The following ANKRD24 variants were observed in gnomAD, a reference collection of about 807,000 sequenced individuals.
ANKRD24 encodes ankyrin repeat domain 24, also known as ankyrin repeat domain-containing protein 24.
ANKRD24 carries 109 observed loss-of-function variants against 127.8 expected under a neutral mutation model. The observed-to-expected ratio is 0.85, with a 90% CI of 0.73 to 1.00. The LOEUF (loss-of-function observed/expected upper bound fraction) is 1.00, where lower values mean the gene tolerates loss of function less well. Among genes scored for constraint, ANKRD24 ranks in the 50% least tolerant of loss-of-function variants. ANKRD24 has a pLI of 0.00. For synonymous variants in ANKRD24, 743 were observed against 671.1 expected, an observed-to-expected ratio of 1.11 and a Z score of -1.66; for missense variants, 1,648 against 1,570.2, an observed-to-expected ratio of 1.05 and a Z score of -0.84.
intron 2 of ANKRD24, among the ~76,000 whole-genome samples, chr19:4,188,439 A>G (rs1333654869): frequency 7.3e-6 from 1 of 137,068 alleles, no homozygotes; most frequent in East Asian, 2.3e-4. Context: ...GCTGGAGTGC[A>G]GTGGTGCTAT....
intron 1 of ANKRD24, 148 bp from the exon 2 acceptor site, chr19:4,186,242 A>G (rs1000710552): frequency 1.3e-5 from 19 of 1,426,496 alleles, no homozygotes; most frequent in Admixed American, 2.8e-5. Context: ...CACAGCAGGT[A>G]GGAGATAGAG....
At chr19:4,207,118 T>C in intron 7 of ANKRD24, 124 bp from the exon 8 acceptor site, 1 of 624,730 alleles carries the variant, frequency 1.6e-6, no homozygotes, top group Non-Finnish European at 2.8e-6. Context: ...AGACAGGGTC[T>C]CACTGTGTTG....
At chr19:4,223,899 A>G (rs766648639) in intron 20 of ANKRD24, among the ~76,000 whole-genome samples, 7 of 151,860 alleles carry the variant, frequency 4.6e-5, no homozygotes, top group Non-Finnish European at 8.8e-5. Flanking sequence ...GGATTTTACC[A>G]TGTTGGTCCA....
chr19:4,224,801 T>C lies in ANKRD24; in HGVS notation c.*296T>C. 2 of 481,230 alleles carry C rather than the reference T, an allele frequency of 4.2e-6. No individual in the cohort carries two copies. The highest frequency in any genetic ancestry group is 7.6e-6 in the Non-Finnish European group (2 of 264,620). The allele number at this position is 481,230 out of a possible 1,614,324, so 29.8% of individuals were successfully genotyped here. ...AGACGCCAGCCCAGGAATAAAGGCA[T>C]TCTGTGCACAGGGCCAACGCGTGCC... On this transcript the variant is annotated 3_prime_UTR_variant, in exon 22 of 22. Transcript: ENST00000318934.
chr19:4,217,084 G>A lies in ANKRD24; in HGVS notation c.1924G>A (p.Ala642Thr), dbSNP rs1350189467. Reference protein sequence around the residue: ...TTGVEAMGVEATKTKAEEAEM... With the variant: ...TTGVEAMGVETTKTKAEEAEM... ...GGGAGTGGAGGCCATGGGGGTGGAG[G>A]CCACAAAAACAAAAGCAGAGGAAGC... The change falls in exon 18 of 22, where the codon GCC (alanine) becomes ACC (threonine). Residue 642 changes from alanine (A) to threonine (T), a missense_variant. By Grantham distance (58) the Ala-to-Thr change is moderately conservative (BLOSUM62 0). Transcript: ENST00000318934. The A allele has an allele frequency of 5.0e-6, 8 of 1,613,776 alleles. No homozygotes were observed. In the African/African-American group the frequency reaches 1.1e-4, roughly 22 times the overall value.
intron 1 of ANKRD24, 86 bp from the exon 2 acceptor site, chr19:4,186,304 G>A (rs1247911437): frequency 1.3e-6 from 2 of 1,523,646 alleles, no homozygotes; most frequent in African/African-American, 2.8e-5. Flanking sequence ...GGAGGAAGCG[G>A]TCCTTTTGAG....
Position 4,186,400 on chromosome 19 carries a change from G to A in ANKRD24, c.-26G>A. On this transcript the variant is annotated 5_prime_UTR_variant, in exon 2 of 22. An upstream open reading frame in the 5' UTR gains an earlier in-frame stop. Coordinates refer to ENST00000318934, the MANE Select transcript of ANKRD24 (RefSeq NM_001393985.1). ...CCTTGCCCTCCTCAGGTGGCCTGTG[G>A]AGAGGAGAAACACAGGGCACCAACT... is the stretch of plus-strand genomic sequence containing the variant. 15 of 1,579,686 alleles carry A rather than the reference G, an allele frequency of 9.5e-6. No homozygotes were observed. Among genetic ancestry groups the A allele is most frequent in the Non-Finnish European group, 1.2e-5 (14 of 1,162,826 alleles).
intron 2 of ANKRD24, among the ~76,000 whole-genome samples, chr19:4,188,170 C>T (rs905442568): frequency 4.0e-5 from 6 of 150,372 alleles, no homozygotes; most frequent in East Asian, 2.0e-4. Flanking sequence ...CTCCACCTCC[C>T]GGGTTCAAGT....
rs913099140 is a variant in ANKRD24, at chr19:4,217,566, C to T, written c.2406C>T (p.Asp802=). The change falls in exon 18 of 22, where the codon GAC becomes GAT. Residue 802 remains aspartate, a synonymous_variant. Coordinates refer to ENST00000318934, the MANE Select transcript of ANKRD24 (RefSeq NM_001393985.1). ...CCCGGGAGGACCTCCGAGACCGGGA[C>T]TCCCGCCTGCGGGAGCTGGAGGCGG... ...EQAREDLRDR[D]SRLRELEAAS... The T allele has an allele frequency of 2.3e-6, 3 of 1,311,092 alleles. No homozygotes were observed. Among genetic ancestry groups the T allele is most frequent in the African/African-American group, 3.1e-5 (2 of 63,798 alleles). 81.2% of individuals were successfully genotyped at this position (1,311,092 alleles called of 1,614,324 possible). A position where few individuals can be genotyped will look rare whatever the true frequency, so the allele number is the denominator to read the frequency against.
At position 4,200,013 on chromosome 19, in the gene ANKRD24, C is replaced by A. The variant is rs750989263; in HGVS notation, c.254+8C>A. The A allele has an allele frequency of 2.6e-6, 4 of 1,562,494 alleles. No homozygotes were observed. In the South Asian group the frequency reaches 3.5e-5, roughly 14 times the overall value. ...CCCCGAGGGCAAGTCCGCGTGAGTG[C>A]CCGCGACCCGGGAGTGAGATGGCTG... is the stretch of plus-strand genomic sequence containing the variant. On this transcript the variant is annotated splice_region_variant and intron_variant, in intron 4 of 21. Transcript: ENST00000318934.
At chr19:4,207,989 C>G in intron 10 of ANKRD24, 21 bp downstream of exon 10, 1 of 1,454,818 alleles carries the variant, frequency 6.9e-7, no homozygotes, top group East Asian at 2.5e-5. Flanking sequence ...CCCACCTCCC[C>G]AATGCATTTG....
At chr19:4,196,975 G>C (rs569160337) in intron 2 of ANKRD24, among the ~76,000 whole-genome samples, 1 of 152,150 alleles carries the variant, frequency 6.6e-6, no homozygotes. Flanking sequence ...GAGCTGCGCC[G>C]GGACCAGCTA....
Position 4,224,720 on chromosome 19 carries a change from C to T in ANKRD24, c.*215C>T, listed in dbSNP as rs556283844. The T allele has an allele frequency of 1.1e-3, 639 of 576,582 alleles. 1 individual carries two copies. Among genetic ancestry groups the T allele is most frequent in the Admixed American group, 1.7e-3 (55 of 33,272 alleles). 35.7% of individuals were successfully genotyped at this position (576,582 alleles called of 1,614,324 possible). A position where few individuals can be genotyped will look rare whatever the true frequency, so the allele number is the denominator to read the frequency against. ...CACACTGGTCAGTCTGGACCCGGGC[C>T]GTGACTGCCCCTCCCCCACCACCGG... On this transcript the variant is annotated 3_prime_UTR_variant, in exon 22 of 22. Transcript: ENST00000318934.
At chr19:4,207,698 T>C (rs1969471962) in intron 9 of ANKRD24, 83 bp from the exon 10 acceptor site, 1 of 1,590,518 alleles carries the variant, frequency 6.3e-7, no homozygotes, top group South Asian at 1.1e-5. Flanking sequence ...CAGCCTCCTC[T>C]TCCCAGCCTG....
intron 1 of ANKRD24, among the ~76,000 whole-genome samples, chr19:4,185,755 G>A (rs986706687): frequency 2.0e-5 from 3 of 152,304 alleles, no homozygotes; most frequent in South Asian, 2.1e-4. Flanking sequence ...GCTGAGAGCC[G>A]TCAGCCCTGG....
intron 2 of ANKRD24, among the ~76,000 whole-genome samples, chr19:4,188,024 T>G (rs1968165067): frequency 1.3e-5 from 2 of 152,138 alleles, no homozygotes; most frequent in South Asian, 4.1e-4. Flanking sequence ...AAGCCATTTT[T>G]GAAAAGCCAA....
chr19:4,202,616 T>C (rs1459131487), intron 6 of ANKRD24, among the ~76,000 whole-genome samples: 1 of 152,068 alleles, frequency 6.6e-6, no homozygotes, highest in Non-Finnish European at 1.5e-5. Context: ...CTGAGCTCTG[T>C]TTCTCCCCAA....
At chr19:4,212,303 T>C (rs900363204) in intron 13 of ANKRD24, among the ~76,000 whole-genome samples, 172 bp from the exon 14 acceptor site, 5 of 152,152 alleles carry the variant, frequency 3.3e-5, no homozygotes, top group Non-Finnish European at 7.4e-5. Context: ...GAATGGTGCC[T>C]GGTACACAGC....
intron 10 of ANKRD24, 81 bp downstream of exon 10, chr19:4,208,049 C>G: frequency 7.4e-7 from 1 of 1,352,194 alleles, no homozygotes; most frequent in Non-Finnish European, 9.7e-7. Flanking sequence ...TGAATAGTTT[C>G]AAGGTACCCC....
Sources: gnomAD v4.1 joint callset for allele counts (sites outside exome capture counted in the v4.1 genomes callset) on GRCh38, gnomAD v4.1.1 for gene constraint, MANE v1.5 for transcripts, NCBI Gene and HGNC (gene_info 2026-07-23, HGNC 2026-07-21) for gene names.